The following ZNF385D variants were observed in gnomAD, a reference collection of about 807,000 sequenced individuals.
The protein encoded by ZNF385D is zinc finger protein 385D, also known as zinc finger protein 659.
In ZNF385D, 15 loss-of-function variants were observed where a neutral mutation model predicts 35.8. The ratio of observed to expected loss-of-function variants is 0.42; its 90% confidence interval spans 0.28 to 0.64. The LOEUF (loss-of-function observed/expected upper bound fraction) is 0.64, where lower values mean the gene tolerates loss of function less well. Among genes scored for constraint, ZNF385D ranks in the 30% least tolerant of loss-of-function variants. The probability of loss-of-function intolerance (pLI) is 0.23; values close to 1 mark genes in which losing one functional copy is unlikely to be tolerated. For synonymous variants in ZNF385D, 212 were observed against 186.8 expected (o/e 1.13, Z -1.10); for missense variants, 474 against 494.6 (o/e 0.96, Z 0.39).
At chr3:22,335,394 A>G (rs887262612) in intron 2 of ZNF385D, among the ~76,000 whole-genome samples, 23 of 152,288 alleles carry the variant, frequency 1.5e-4, no homozygotes, top group African/African-American at 4.6e-4. Context: ...TTTTTATTAA[A>G]GCATTAGATG....
chr3:21,904,422 G>C (rs1344061667), intron 3 of ZNF385D, among the ~76,000 whole-genome samples: 4 of 151,716 alleles, frequency 2.6e-5, no homozygotes, highest in Non-Finnish European at 5.9e-5. Flanking sequence ...AGTTCTTTTG[G>C]GATTACTGAA....
intron 2 of ZNF385D, among the ~76,000 whole-genome samples, chr3:22,188,325 G>A (rs9310687): frequency 2.0e-5 from 3 of 152,092 alleles, no homozygotes; most frequent in East Asian, 3.9e-4. Context: ...ACAGTATTTC[G>A]TGCTAAATCC....
intron 3 of ZNF385D, among the ~76,000 whole-genome samples, chr3:21,994,234 T>C (rs1695324147): frequency 6.6e-6 from 1 of 152,216 alleles, no homozygotes; most frequent in Non-Finnish European, 1.5e-5. Context: ...ATCTACATAC[T>C]GTTTTTACTT....
intron 2 of ZNF385D, among the ~76,000 whole-genome samples, chr3:22,220,291 C>A (rs1164729503): frequency 6.6e-6 from 1 of 152,044 alleles, no homozygotes; most frequent in Non-Finnish European, 1.5e-5. Flanking sequence ...TCTTGAACTC[C>A]TGAGTTCAAG....
At chr3:22,258,177 T>C (rs751053858) in intron 2 of ZNF385D, among the ~76,000 whole-genome samples, 1 of 151,754 alleles carries the variant, frequency 6.6e-6, no homozygotes, top group African/African-American at 2.4e-5. Context: ...AGGGGAAATT[T>C]TGCCCCCAAA....
intron 1 of ZNF385D, among the ~76,000 whole-genome samples, chr3:21,690,622 T>C (rs11710743): frequency 0.69 from 105,386 of 151,996 alleles, 36,816 homozygotes; most frequent in Non-Finnish European, 0.74. Flanking sequence ...TGTATAACAC[T>C]TACCTTGAAG....
At chr3:21,767,634 T>C (rs1054514279) in intron 3 of ZNF385D, among the ~76,000 whole-genome samples, 2 of 151,664 alleles carry the variant, frequency 1.3e-5, no homozygotes, top group African/African-American at 4.8e-5. Context: ...AGTGGGTGGA[T>C]GGATGAATGA....
At chr3:21,758,317 G>T (rs577024321) in intron 3 of ZNF385D, among the ~76,000 whole-genome samples, 1 of 152,246 alleles carries the variant, frequency 6.6e-6, no homozygotes, top group South Asian at 2.1e-4. Flanking sequence ...CCATAGGCAT[G>T]GCCTATGAGG....
In ZNF385D at chr3:21,474,032, CTTATATA is replaced by C. The variant is rs563929338; in HGVS notation, c.439+36822_439+36828del. Among the ~76,000 whole-genome samples, 335 of 151,734 alleles carry C rather than the reference CTTATATA, an allele frequency of 2.2e-3. 4 individuals are homozygous for C. Among genetic ancestry groups the C allele is most frequent in the African/African-American group, 7.9e-3 (328 of 41,374 alleles). ...TATGTGTGTGTGTATATATATGTATCTTATATATTATAAGTTCATCCATTAAGTTGTG... is the reference window on the plus strand; with the variant it reads ...TATGTGTGTGTGTATATATATGTATCTTATAAGTTCATCCATTAAGTTGTG... On this transcript the variant is annotated intron_variant, in intron 4 of 7. Transcript: ENST00000281523.
intron 2 of ZNF385D, among the ~76,000 whole-genome samples, chr3:22,236,205 C>T (rs753546191): frequency 4.1e-4 from 63 of 152,100 alleles, no homozygotes; most frequent in Non-Finnish European, 8.7e-4. Flanking sequence ...TATGTATGTA[C>T]AGAAACATGT....
At position 22,230,389 on chromosome 3, in the gene ZNF385D, G is replaced by T. The variant is rs537609872; in HGVS notation, c.107-61354C>A. Among the ~76,000 whole-genome samples, 4 of 152,178 alleles carry T rather than the reference G, an allele frequency of 2.6e-5. No homozygotes were observed. The East Asian group carries it at 7.7e-4, about 29-fold the overall frequency. On this transcript the variant is annotated intron_variant, in intron 2 of 5. Transcript: ENST00000494108. ...CCAGGCACCAGAAAGTCATGCCTAA[G>T]GGTTCCCATCCTAACTGCTTCCCAT...
chr3:21,977,682 T>C (rs1482301324), intron 3 of ZNF385D, among the ~76,000 whole-genome samples: 1 of 151,646 alleles, frequency 6.6e-6, no homozygotes, highest in Non-Finnish European at 1.5e-5. Flanking sequence ...ATAATCATAA[T>C]AACAAATTAG....
chr3:21,468,937 G>C (rs1308928245), intron 4 of ZNF385D, among the ~76,000 whole-genome samples: 1 of 151,734 alleles, frequency 6.6e-6, no homozygotes, highest in Non-Finnish European at 1.5e-5. Flanking sequence ...AAAAAAAAAA[G>C]AATACATAGT....
At chr3:21,941,711 A>T (rs1261236579) in intron 3 of ZNF385D, among the ~76,000 whole-genome samples, 1 of 151,630 alleles carries the variant, frequency 6.6e-6, no homozygotes, top group Non-Finnish European at 1.5e-5. Context: ...ATTAGCTAGG[A>T]TGGTCTCGAT....
chr3:21,718,087 G>A (rs1439274006), intron 1 of ZNF385D, among the ~76,000 whole-genome samples: 2 of 152,158 alleles, frequency 1.3e-5, no homozygotes, highest in African/African-American at 2.4e-5. Flanking sequence ...TGTTGGGACT[G>A]CACTTTTTAA....
chr3:22,172,669 GA>G (rs1401929824), intron 2 of ZNF385D, among the ~76,000 whole-genome samples: 1 of 151,962 alleles, frequency 6.6e-6, no homozygotes, highest in Non-Finnish European at 1.5e-5. Flanking sequence ...GAAGCCAACT[GA>G]AAAAACTCCG....
At chr3:21,569,992 G>A (rs1172344502) in intron 2 of ZNF385D, among the ~76,000 whole-genome samples, 1 of 150,982 alleles carries the variant, frequency 6.6e-6, no homozygotes, top group Non-Finnish European at 1.5e-5. Flanking sequence ...CACCAGCATG[G>A]CACATGTATA....
intron 3 of ZNF385D, among the ~76,000 whole-genome samples, chr3:21,525,777 C>G (rs1230526598): frequency 6.6e-6 from 1 of 150,616 alleles, no homozygotes; most frequent in African/African-American, 2.4e-5. Flanking sequence ...AGATCTTAAT[C>G]TCCAAATTGT....
At position 21,677,118 on chromosome 3, in the gene ZNF385D, A is replaced by C. The variant is rs2066753196; in HGVS notation, c.23-12090T>G. Among the ~76,000 whole-genome samples, 5 of 152,218 alleles carry C rather than the reference A, an allele frequency of 3.3e-5. No individual in the cohort carries two copies. The South Asian group carries it at 8.3e-4, about 25-fold the overall frequency. On this transcript the variant is annotated intron_variant, in intron 1 of 7. Transcript: ENST00000281523. ...ATAGTGCAGTTAAACACAAGGATTAAAGCTAAACTAACATGAAAGGGACGC... is the reference window on the plus strand; with the variant it reads ...ATAGTGCAGTTAAACACAAGGATTACAGCTAAACTAACATGAAAGGGACGC...
Sources: gnomAD v4.1 joint callset for allele counts (sites outside exome capture counted in the v4.1 genomes callset) on GRCh38, gnomAD v4.1.1 for gene constraint, MANE v1.5 for transcripts, NCBI Gene and HGNC (gene_info 2026-07-23, HGNC 2026-07-21) for gene names.